The following LARGE1 variants were observed in gnomAD, a reference collection of about 807,000 sequenced individuals.
The protein encoded by LARGE1 is xylosyl- and glucuronyltransferase LARGE1.
A neutral mutation model predicts 87.6 loss-of-function variants in LARGE1; 43 were observed. The ratio of observed to expected loss-of-function variants is 0.49; its 90% confidence interval spans 0.38 to 0.63. The LOEUF (loss-of-function observed/expected upper bound fraction) is 0.63. Ranked by LOEUF, LARGE1 falls within the 30% of genes least tolerant of loss-of-function variation. The probability of loss-of-function intolerance (pLI) is 0.00; values close to 1 mark genes in which losing one functional copy is unlikely to be tolerated. For synonymous variants in LARGE1, 434 were observed against 394.6 expected (o/e 1.10, Z -1.18); for missense variants, 802 against 1,000.2 (o/e 0.80, Z 2.67).
chr22:33,321,234 C>T (rs1285421462), intron 10 of LARGE1, among the ~76,000 whole-genome samples: 1 of 152,206 alleles, frequency 6.6e-6, no homozygotes, highest in African/African-American at 2.4e-5. Flanking sequence ...AGGGAAACAC[C>T]TGGGCCCCTG....
intron 2 of LARGE1, among the ~76,000 whole-genome samples, chr22:33,705,989 C>T (rs923765324): frequency 3.3e-5 from 5 of 152,122 alleles, no homozygotes; most frequent in African/African-American, 1.2e-4. Context: ...ACCCAAGAGT[C>T]CCACAGATGA....
chr22:33,272,305 G>T (rs994278801), downstream of LARGE1, among the ~76,000 whole-genome samples: 4 of 152,160 alleles, frequency 2.6e-5, no homozygotes, highest in African/African-American at 7.2e-5. Context: ...CTGTATCTGT[G>T]TATCTGTCTG....
chr22:33,879,843 C>T (rs1476276119), intron 1 of LARGE1, among the ~76,000 whole-genome samples: 1 of 152,224 alleles, frequency 6.6e-6, no homozygotes, highest in East Asian at 1.9e-4. Context: ...ATCTTCGGCT[C>T]CTGGCACGGT....
chr22:33,489,644 C>T (rs2069738163), intron 6 of LARGE1, among the ~76,000 whole-genome samples: 1 of 152,122 alleles, frequency 6.6e-6, no homozygotes, highest in Admixed American at 6.5e-5. Context: ...GTGCCTTTCC[C>T]CTTCTGCCAT....
At chr22:33,071,502 T>G in the LARGE1 span, among the ~76,000 whole-genome samples, 1 of 152,202 alleles carries the variant, frequency 6.6e-6, no homozygotes. Flanking sequence ...TGTATCCCAG[T>G]GCCTAGATAA....
intron 3 of LARGE1, among the ~76,000 whole-genome samples, chr22:33,631,391 G>A (rs895129079): frequency 3.3e-5 from 5 of 152,108 alleles, no homozygotes; most frequent in Admixed American, 2.0e-4. Context: ...ACATTGTACA[G>A]CTGTATGAAA....
intron 5 of LARGE1, among the ~76,000 whole-genome samples, chr22:33,577,371 G>A (rs1030270478): frequency 6.6e-6 from 1 of 152,140 alleles, no homozygotes; most frequent in East Asian, 1.9e-4. Flanking sequence ...AAAAGCACAC[G>A]CATACACATC....
At chr22:33,364,259 G>A (rs534592237) in intron 9 of LARGE1, among the ~76,000 whole-genome samples, 4 of 152,058 alleles carry the variant, frequency 2.6e-5, no homozygotes, top group Non-Finnish European at 5.9e-5. Flanking sequence ...GGGTTTCACC[G>A]TGTTAGCCAG....
At chr22:33,459,273 T>C (rs1429726819) in intron 6 of LARGE1, among the ~76,000 whole-genome samples, 1 of 152,140 alleles carries the variant, frequency 6.6e-6, no homozygotes, top group Non-Finnish European at 1.5e-5. Flanking sequence ...ATGCTGCTAA[T>C]AAGTTGTAGA....
chr22:33,787,308 G>C (rs1291006282), intron 1 of LARGE1, among the ~76,000 whole-genome samples: 2 of 152,104 alleles, frequency 1.3e-5, no homozygotes. Context: ...CAGTGGTGAT[G>C]TTATTGTCCC....
At chr22:33,275,325 A>G (rs1270988170) in intron 14 of LARGE1, among the ~76,000 whole-genome samples, 1 of 152,182 alleles carries the variant, frequency 6.6e-6, no homozygotes, top group Non-Finnish European at 1.5e-5. Flanking sequence ...TTAGAGGAGA[A>G]CTCAGCACAC....
In LARGE1 at chr22:33,555,930, CA is replaced by C. The variant is rs34477059; in HGVS notation, c.787+8917del. ...GGGTGGAGAGAGAGAGACTCCATCT[CA>C]AAAAAAAAAAAAAAAGTGTAGATTT... On this transcript the variant is annotated intron_variant, in intron 6 of 14. Coordinates refer to ENST00000397394, the MANE Select transcript of LARGE1 (RefSeq NM_133642.5). Among the ~76,000 whole-genome samples, 97 of 124,320 alleles carry C rather than the reference CA, an allele frequency of 7.8e-4. 1 individual carries two copies. Among genetic ancestry groups the C allele is most frequent in the South Asian group, 2.8e-3 (10 of 3,600 alleles). The allele number at this position is 124,320 out of a possible 152,430, so 81.6% of individuals were successfully genotyped here. A position where few individuals can be genotyped will look rare whatever the true frequency, so the allele number is the denominator to read the frequency against.
At chr22:33,419,582 G>A (rs181346788) in intron 7 of LARGE1, among the ~76,000 whole-genome samples, 1 of 152,204 alleles carries the variant, frequency 6.6e-6, no homozygotes, top group East Asian at 1.9e-4. Context: ...CCAAAGAAAC[G>A]GTCCTTTCTA....
exon 12 of LARGE1, chr22:33,166,595 C>G: frequency 5.4e-6 from 2 of 370,180 alleles, no homozygotes; most frequent in Non-Finnish European, 1.1e-5. Flanking sequence ...AATCTTACCA[C>G]GGGGATGATG....
chr22:33,404,549 C>T (rs541786139), intron 7 of LARGE1, among the ~76,000 whole-genome samples: 14 of 152,298 alleles, frequency 9.2e-5, no homozygotes, highest in African/African-American at 3.4e-4. Flanking sequence ...CCTATCTACC[C>T]TCTGCCAGCC....
chr22:33,249,991 T>C (rs1485961874), intron 11 of LARGE1, among the ~76,000 whole-genome samples: 1 of 152,188 alleles, frequency 6.6e-6, no homozygotes, highest in African/African-American at 2.4e-5. Flanking sequence ...TTCATTTTTC[T>C]CTTTCAATAT....
At chr22:33,364,110 A>C (rs934165207) in intron 9 of LARGE1, among the ~76,000 whole-genome samples, 3 of 151,126 alleles carry the variant, frequency 2.0e-5, no homozygotes, top group Non-Finnish European at 4.4e-5. Flanking sequence ...GCTGGAGTGC[A>C]GTGGCGCAAT....
At chr22:33,650,279 C>G in intron 3 of LARGE1, 88 bp downstream of exon 3, 1 of 1,507,044 alleles carries the variant, frequency 6.6e-7, no homozygotes, top group Admixed American at 1.7e-5. Context: ...CTCTTGGCAT[C>G]TGGCTGTGTT....
At chr22:33,440,247 T>C (rs5998943) in intron 6 of LARGE1, among the ~76,000 whole-genome samples, 96,382 of 152,112 alleles carry the variant, frequency 0.63, 32,209 homozygotes, top group African/African-American at 0.86. Flanking sequence ...ACCCACCATC[T>C]TAGCCCATCT....
Sources: allele counts gnomAD v4.1 joint callset (sites outside exome capture counted in the v4.1 genomes callset), GRCh38; gene constraint gnomAD v4.1.1; transcripts MANE v1.5; gene names NCBI Gene and HGNC (gene_info 2026-07-23, HGNC 2026-07-21).